CCT7: variants seen among roughly 807,000 people sequenced by gnomAD.
CCT7 encodes the protein T-complex protein 1 subunit eta.
In CCT7, 16 loss-of-function variants were observed where a neutral mutation model predicts 56.6. That is an observed-to-expected ratio of 0.28 (90% confidence interval 0.19 to 0.43). The LOEUF is 0.43. Among genes scored for constraint, CCT7 ranks in the 20% least tolerant of loss-of-function variants. The pLI is 1.00. For missense variants in CCT7, 519 were observed against 685.6 expected (o/e 0.76, Z 2.71); for synonymous variants, 262 against 254.8 (o/e 1.03, Z -0.27).
intron 1 of CCT7, among the ~76,000 whole-genome samples, chr2:73,238,165 C>T (rs1686958630): frequency 6.6e-6 from 1 of 152,200 alleles, no homozygotes; most frequent in Admixed American, 6.5e-5. Flanking sequence ...ACTCCATGAG[C>T]TCAAGTGATC....
intron 1 of CCT7, among the ~76,000 whole-genome samples, chr2:73,238,006 A>G (rs1014252695): frequency 6.6e-6 from 1 of 152,160 alleles, no homozygotes; most frequent in Non-Finnish European, 1.5e-5. Flanking sequence ...TGGGTGGTGG[A>G]GCAAGACCCT....
rs1687219746 is a variant in CCT7 at position 73,243,941 on chromosome 2, C to T, written c.394-56C>T. ...TCAGGACTATTGAGAGATTGAGGTC[C>T]ACTTCAGCAGTTTGTCTTTAGCATG... On this transcript the variant is annotated intron_variant, in intron 4 of 11. Transcript: ENST00000258091. The T allele has an allele frequency of 1.3e-5, 20 of 1,517,214 alleles. No homozygotes were observed. The South Asian group carries it at 2.3e-4, about 17-fold the overall frequency. 94.0% of individuals were successfully genotyped at this position (1,517,214 alleles called of 1,614,324 possible).
chr2:73,238,618 G>A (rs747872394), intron 1 of CCT7, among the ~76,000 whole-genome samples: 7 of 152,198 alleles, frequency 4.6e-5, no homozygotes, highest in Non-Finnish European at 1.0e-4. Flanking sequence ...TCATAGCCTA[G>A]TAACAAATTT....
intron 6 of CCT7, among the ~76,000 whole-genome samples, chr2:73,245,128 C>A (rs1687277311): frequency 6.6e-6 from 1 of 152,184 alleles, no homozygotes; most frequent in Admixed American, 6.5e-5. Context: ...ATACATATTT[C>A]AAACTGTGAA....
chr2:73,250,231 G>C lies in CCT7; in HGVS notation c.1071-75G>C, dbSNP rs1300694624. The C allele has an allele frequency of 2.6e-6, 4 of 1,550,150 alleles. No homozygotes were observed. In the Admixed American group the frequency reaches 6.8e-5, roughly 26 times the overall value. On this transcript the variant is annotated intron_variant, in intron 9 of 11. Coordinates refer to ENST00000258091, the MANE Select transcript of CCT7 (RefSeq NM_006429.4). ...AGAGCAGCTGCTGAGTGTTGGGGGG[G>C]CTGGCAGTGAGGACAATACAGTAGG...
Position 73,252,927 on chromosome 2 carries a change from C to T in CCT7, c.*66C>T, listed in dbSNP as rs1172994939. On this transcript the variant is annotated 3_prime_UTR_variant, in exon 12 of 12. Coordinates refer to ENST00000258091, the MANE Select transcript of CCT7 (RefSeq NM_006429.4). ...GCACTTACCCTCCTTGGCTTGGTTACTTCATTTTACAAGGAAGGGGTAGTA... is the reference window on the plus strand; with the variant it reads ...GCACTTACCCTCCTTGGCTTGGTTATTTCATTTTACAAGGAAGGGGTAGTA... 1 of 1,197,402 alleles carries T rather than the reference C, an allele frequency of 8.4e-7. No individual in the cohort carries two copies. The highest frequency in any genetic ancestry group is 2.2e-5 in the Admixed American group (1 of 46,312). 74.2% of individuals were successfully genotyped at this position (1,197,402 alleles called of 1,614,324 possible).
At position 73,240,465 on chromosome 2, in the gene CCT7, C is replaced by T. The variant is rs1273794760; in HGVS notation, c.189C>T (p.Ala63=). The change falls in exon 3 of 12, where the codon GCC becomes GCT. Residue 63 remains alanine, a synonymous_variant. Coordinates refer to ENST00000258091, the MANE Select transcript of CCT7 (RefSeq NM_006429.4). ...RGKATISNDG[A]TILKLLDVVH... is the part of the protein sequence containing the mutation. ...AAGCAACAATTTCTAATGATGGGGC[C>T]ACAATTCTGAAACTTCTTGATGTTG... 6.2e-7 allele frequency: 1 copy of T among 1,612,010 alleles called. No individual in the cohort carries two copies. The highest frequency in any genetic ancestry group is 1.7e-5 in the Admixed American group (1 of 59,780).
intron 2 of CCT7, 123 bp downstream of exon 2, chr2:73,239,919 C>T: frequency 7.2e-6 from 6 of 829,634 alleles, no homozygotes; most frequent in Non-Finnish European, 1.1e-5. Flanking sequence ...AGATGACTCA[C>T]TCTGAAGCAG....
chr2:73,241,257 G>A (rs1687099686), intron 3 of CCT7, among the ~76,000 whole-genome samples: 1 of 152,058 alleles, frequency 6.6e-6, no homozygotes, highest in Non-Finnish European at 1.5e-5. Flanking sequence ...AGGTTTATTA[G>A]GAGCCAAGCC....
At chr2:73,240,376 G>T in intron 2 of CCT7, 61 bp from the exon 3 acceptor site, 1 of 1,264,852 alleles carries the variant, frequency 7.9e-7, no homozygotes, top group Non-Finnish European at 1.1e-6. Flanking sequence ...ATGGGTTCTA[G>T]GTCCCACTTG....
chr2:73,239,742 G>T lies in CCT7; in HGVS notation c.106G>T (p.Val36Leu). The change falls in exon 2 of 12, where the codon GTA (valine) becomes TTA (leucine). Residue 36 changes from valine (V) to leucine (L), a missense_variant. Coordinates refer to ENST00000258091, the MANE Select transcript of CCT7 (RefSeq NM_006429.4). ...TGCCTGCCAGGTGATTGCTGAGGCT[G>T]TAAGAACTACCCTGGGTCCCCGTGG... Reference protein sequence around the residue: ...ISACQVIAEAVRTTLGPRGMD... With the variant: ...ISACQVIAEALRTTLGPRGMD... 14 of 1,614,022 alleles carry T rather than the reference G, an allele frequency of 8.7e-6. No individual in the cohort carries two copies. The highest frequency in any genetic ancestry group is 1.2e-5 in the Non-Finnish European group (14 of 1,179,878).
rs1687175153 is a variant in CCT7, at chr2:73,242,896, C to T, written c.268-108C>T. ...GTGCTTCCAGAAAAAAGCTTGACAT[C>T]CATTTAAATAATATTCAGTTTAAAT... On this transcript the variant is annotated intron_variant, in intron 3 of 11. Transcript: ENST00000258091. The T allele has an allele frequency of 3.7e-6, 5 of 1,335,922 alleles. No homozygotes were observed. In the African/African-American group the frequency reaches 5.9e-5, roughly 16 times the overall value. The allele number at this position is 1,335,922 out of a possible 1,614,324, so 82.8% of individuals were successfully genotyped here.
rs375563884 is a variant in CCT7 at position 73,249,936 on chromosome 2, C to G, written c.1070+20C>G. 8.4e-5 allele frequency: 130 copies of G among 1,542,558 alleles called. No individual in the cohort carries two copies. The highest frequency in any genetic ancestry group is 1.1e-4 in the Non-Finnish European group (125 of 1,114,702). On this transcript the variant is annotated intron_variant, in intron 9 of 11. Transcript: ENST00000258091. ...CGAGAGGTGAGCCGTGGGCCCAGGC[C>G]GAGCTCACAAACCTGCCTGGGTCTG...
chr2:73,251,811 C>T (rs1687600083), intron 11 of CCT7, among the ~76,000 whole-genome samples: 1 of 152,098 alleles, frequency 6.6e-6, no homozygotes, highest in Non-Finnish European at 1.5e-5. Flanking sequence ...TGGTGGTGGG[C>T]ACCTGTAATC....
chr2:73,240,395 A>G, intron 2 of CCT7, 42 bp from the exon 3 acceptor site: 3 of 1,495,960 alleles, frequency 2.0e-6, no homozygotes, highest in Non-Finnish European at 2.8e-6. Flanking sequence ...TGAAGACAGC[A>G]TTTAAGAAAG....
chr2:73,251,548 C>A, intron 11 of CCT7, 116 bp downstream of exon 11: 2 of 862,668 alleles, frequency 2.3e-6, no homozygotes, highest in Admixed American at 2.1e-5. Flanking sequence ...CTGCAACTCC[C>A]CCCAGCCTGT....
At chr2:73,244,129 T>A in intron 5 of CCT7, 80 bp downstream of exon 5, 1 of 1,350,898 alleles carries the variant, frequency 7.4e-7, no homozygotes, top group Non-Finnish European at 1.0e-6. Context: ...CTTGAACTAC[T>A]GGCTCAAGTG....
In CCT7 at chr2:73,252,644, G is replaced by A. The variant is rs2103816789; in HGVS notation, c.1415G>A (p.Gly472Asp). 6.2e-7 allele frequency: 1 copy of A among 1,612,576 alleles called. No homozygotes were observed. The highest frequency in any genetic ancestry group is 1.7e-4 in the Middle Eastern group (1 of 6,040). Residue 472 changes from glycine to aspartate, a missense_variant, in exon 12 of 12, where the codon GGT becomes GAT. By Grantham distance (94) the Gly-to-Asp change is moderately conservative. Around this residue, in one of 3 missense-constraint regions of CCT7, gnomAD observed 237 missense variants for 300.8 expected, o/e 0.79. Coordinates refer to ENST00000258091, the MANE Select transcript of CCT7 (RefSeq NM_006429.4). ...TTTCTTTTCCTACTCTTTTAGGGGG[G>A]TACATGGTATGGAGTAGACATCAAC... ...NKLRARHAQG[G>D]TWYGVDINNE...
At chr2:73,248,905 G>A in intron 7 of CCT7, 86 bp from the exon 8 acceptor site, 2 of 1,029,552 alleles carry the variant, frequency 1.9e-6, no homozygotes, top group Non-Finnish European at 2.9e-6. Context: ...TGTTTTATTT[G>A]GTGGGGGCAG....
Sources: allele counts gnomAD v4.1 joint callset (sites outside exome capture counted in the v4.1 genomes callset), GRCh38; gene constraint gnomAD v4.1.1; regional missense constraint gnomAD v4.1.1; transcripts MANE v1.5; gene names NCBI Gene and HGNC (gene_info 2026-07-23, HGNC 2026-07-21).